The following RARB variants were observed in gnomAD, a reference collection of about 807,000 sequenced individuals.
The protein encoded by RARB is retinoic acid receptor beta, also known as HBV-activated protein.
A neutral mutation model predicts 51.9 loss-of-function variants in RARB; 17 were observed. The ratio of observed to expected loss-of-function variants is 0.33; its 90% CI spans 0.22 to 0.49. RARB has a LOEUF of 0.49. Among genes scored for constraint, RARB ranks in the 20% least tolerant of loss-of-function variants. The pLI is 0.99. For missense variants in RARB, 369 were observed against 550.8 expected (o/e 0.67, Z 3.30); for synonymous variants, 215 against 195.4 (o/e 1.10, Z -0.84).
At chr3:24,943,545 T>A (rs998008323) in intron 2 of RARB, among the ~76,000 whole-genome samples, 1 of 152,182 alleles carries the variant, frequency 6.6e-6, no homozygotes, top group Non-Finnish European at 1.5e-5. Context: ...GCTTAAGGAA[T>A]TACCTAAATG....
chr3:25,044,148 C>A (rs533936635), intron 2 of RARB, among the ~76,000 whole-genome samples: 1 of 152,132 alleles, frequency 6.6e-6, no homozygotes, highest in Non-Finnish European at 1.5e-5. Context: ...TTAGTCAATT[C>A]TTAATAGACT....
chr3:24,937,578 A>C (rs574322583), intron 2 of RARB, among the ~76,000 whole-genome samples: 1 of 152,278 alleles, frequency 6.6e-6, no homozygotes, highest in South Asian at 2.1e-4. Context: ...AGGGAAGCAA[A>C]CAAGCAAAGC....
At chr3:25,250,195 A>G (rs1702677250) in intron 5 of RARB, among the ~76,000 whole-genome samples, 1 of 152,246 alleles carries the variant, frequency 6.6e-6, no homozygotes, top group Non-Finnish European at 1.5e-5. Context: ...GCTTGTTCTC[A>G]GGCCCCTGTG....
intron 3 of RARB, among the ~76,000 whole-genome samples, chr3:25,111,394 C>T (rs905907727): frequency 6.6e-6 from 1 of 152,038 alleles, no homozygotes; most frequent in Non-Finnish European, 1.5e-5. Context: ...ACACTGTTAC[C>T]ACCTGTAGCC....
chr3:25,227,826 G>A lies in RARB; in HGVS notation c.178+53251G>A, dbSNP rs571836519. The stretch of plus-strand genomic sequence containing the variant: ...ACATCCCTTTATTCATTTCTTGATG[G>A]GCTGAGTTCCATTATCCCAGCCAGG... On this transcript the variant is annotated intron_variant, in intron 5 of 11. Coordinates refer to the RARB transcript ENST00000383772. Among the ~76,000 whole-genome samples, 6 of 152,106 alleles carry A rather than the reference G, an allele frequency of 3.9e-5. No individual in the cohort carries two copies. The South Asian group carries it at 1.2e-3, about 32-fold the overall frequency.
At chr3:25,553,031 A>G (rs1416794647) in intron 3 of RARB, among the ~76,000 whole-genome samples, 1 of 152,220 alleles carries the variant, frequency 6.6e-6, no homozygotes, top group African/African-American at 2.4e-5. Context: ...CAGATATCCT[A>G]CGAAGGAAGA....
chr3:25,283,357 G>A (rs1451431391), intron 5 of RARB, among the ~76,000 whole-genome samples: 2 of 152,128 alleles, frequency 1.3e-5, no homozygotes, highest in African/African-American at 4.8e-5. Context: ...TTCCATGGCA[G>A]GTCATTTTTG....
At chr3:25,452,064 T>G (rs1709218023) in intron 1 of RARB, among the ~76,000 whole-genome samples, 2 of 152,220 alleles carry the variant, frequency 1.3e-5, no homozygotes, top group African/African-American at 2.4e-5. Context: ...TTCTAGCATT[T>G]GTTCACTTAA....
At chr3:24,997,274 T>C (rs1697062384) in intron 2 of RARB, among the ~76,000 whole-genome samples, 1 of 152,176 alleles carries the variant, frequency 6.6e-6, no homozygotes, top group Non-Finnish European at 1.5e-5. Flanking sequence ...TAAGTATAGC[T>C]ATTTCTAGTC....
chr3:25,594,838 TAAAAAA>T (rs3836380), intron 7 of RARB, among the ~76,000 whole-genome samples, 160 bp downstream of exon 7: 1 of 130,890 alleles, frequency 7.6e-6, no homozygotes, highest in Admixed American at 7.7e-5. Flanking sequence ...CTCCCCCCTC[TAAAAAA>T]AAAAAAAAAA....
intron 5 of RARB, among the ~76,000 whole-genome samples, chr3:25,372,041 T>C (rs1376617607): frequency 6.6e-6 from 1 of 151,960 alleles, no homozygotes. Context: ...AAAGTGAGAA[T>C]GAAAAAGAGA....
intron 2 of RARB, chr3:25,024,975 A>AT (rs1697714875): frequency 6.8e-6 from 1 of 147,528 alleles, no homozygotes; most frequent in Non-Finnish European, 1.5e-5. Context: ...AAAAAAAAAA[A>AT]GGAAATTTAA....
chr3:25,463,182 T>C (rs1235102900), intron 2 of RARB, among the ~76,000 whole-genome samples: 1 of 151,674 alleles, frequency 6.6e-6, no homozygotes. Context: ...CCCACTCAAT[T>C]TCTTAATGGG....
intron 5 of RARB, among the ~76,000 whole-genome samples, chr3:25,417,700 A>G (rs566618233): frequency 6.6e-6 from 1 of 152,226 alleles, no homozygotes; most frequent in Non-Finnish European, 1.5e-5. Context: ...CAGCATGAAA[A>G]TAGACTAATA....
chr3:24,866,941 AC>A (rs577863139), intron 2 of RARB, among the ~76,000 whole-genome samples: 3 of 152,068 alleles, frequency 2.0e-5, no homozygotes, highest in Non-Finnish European at 4.4e-5. Context: ...GACTGGGGGT[AC>A]AATCACAGGG....
At position 25,428,876 on chromosome 3, in the gene RARB, C is replaced by T; in HGVS notation, c.145C>T (p.His49Tyr). The T allele has an allele frequency of 6.2e-7, 1 of 1,611,686 alleles. No individual in the cohort carries two copies. The highest frequency in any genetic ancestry group is 8.5e-7 in the Non-Finnish European group (1 of 1,178,072). The change falls in exon 1 of 8, where the codon CAC (histidine) becomes TAC (tyrosine). Residue 49 changes from histidine to tyrosine, a missense_variant. Physicochemically the swap from His to Tyr is moderately conservative, Grantham distance 83. Around this residue, in one of 9 missense-constraint regions of RARB, gnomAD observed 99 missense variants for 95.1 expected, o/e 1.04. Coordinates refer to ENST00000330688, the MANE Select transcript of RARB (RefSeq NM_000965.5). Reference sequence around the variant, plus strand: ...GACCCAAACCGAATGGCAGCATCGGCACACTGCTCAATGTAGGTTTATTTT... The same window carrying T: ...GACCCAAACCGAATGGCAGCATCGGTACACTGCTCAATGTAGGTTTATTTT... ...GLTQTEWQHRHTAQSIETQST... is the reference protein window; with the variant it reads ...GLTQTEWQHRYTAQSIETQST...
chr3:25,596,214 T>C (rs778331658), intron 7 of RARB, among the ~76,000 whole-genome samples: 2 of 152,200 alleles, frequency 1.3e-5, no homozygotes, highest in East Asian at 1.9e-4. Context: ...CCATTCCAAA[T>C]ACATTTATCT....
chr3:25,320,353 T>C (rs1019101613), intron 5 of RARB, among the ~76,000 whole-genome samples: 1 of 152,198 alleles, frequency 6.6e-6, no homozygotes, highest in African/African-American at 2.4e-5. Flanking sequence ...ATTTTCTCTG[T>C]AGTAGTACTT....
chr3:25,206,043 C>A (rs1701536083), intron 5 of RARB, among the ~76,000 whole-genome samples: 1 of 152,150 alleles, frequency 6.6e-6, no homozygotes, highest in Non-Finnish European at 1.5e-5. Context: ...GGTAGATTAG[C>A]TGTATGACGT....
Sources: allele counts gnomAD v4.1 joint callset (sites outside exome capture counted in the v4.1 genomes callset), GRCh38; gene constraint gnomAD v4.1.1; regional missense constraint gnomAD v4.1.1; transcripts MANE v1.5; gene names NCBI Gene and HGNC (gene_info 2026-07-23, HGNC 2026-07-21).